The following TOR1AIP2 variants were observed in gnomAD, a reference collection of about 807,000 sequenced individuals.
TOR1AIP2 encodes torsin 1A interacting protein 2.
Under a neutral mutation model 32.6 loss-of-function variants are expected in TOR1AIP2, and 20 were observed. The ratio of observed to expected loss-of-function variants is 0.61; its 90% CI spans 0.43 to 0.89. The LOEUF is 0.89. TOR1AIP2 is among the 40% of genes least tolerant of loss of function. The pLI is 0.00. For missense variants in TOR1AIP2, 456 were observed against 553.8 expected, an observed-to-expected ratio of 0.82 and a Z score of 1.77; for synonymous variants, 214 against 210.8, an observed-to-expected ratio of 1.02 and a Z score of -0.13.
intron 3 of TOR1AIP2, chr1:179,859,428 A>C (rs2148439782): frequency 4.1e-6 from 4 of 985,406 alleles, no homozygotes; most frequent in Non-Finnish European, 4.8e-6. Context: ...TAACCATGAC[A>C]CTTTTAAAAG....
At chr1:179,873,572 A>C (rs1320538113) in intron 2 of TOR1AIP2, 1 of 152,194 alleles carries the variant, frequency 6.6e-6, no homozygotes, top group Admixed American at 6.5e-5. Flanking sequence ...TGTAGTTAAT[A>C]ATTATCCTGG....
intron 3 of TOR1AIP2, chr1:179,865,117 T>C (rs764968363): frequency 1.2e-6 from 2 of 1,613,928 alleles, no homozygotes; most frequent in East Asian, 4.5e-5. Context: ...AGTGGCCTAG[T>C]TCTAAACTAG....
intron 5 of TOR1AIP2, among the ~76,000 whole-genome samples, chr1:179,848,833 A>C (rs1214073462): frequency 4.6e-5 from 7 of 152,232 alleles, no homozygotes; most frequent in Admixed American, 4.6e-4. Flanking sequence ...CCAAGGTCAC[A>C]TAAAGAGATG....
At chr1:179,854,804 G>A (rs1427374696) in intron 3 of TOR1AIP2, among the ~76,000 whole-genome samples, 1 of 152,216 alleles carries the variant, frequency 6.6e-6, no homozygotes, top group Non-Finnish European at 1.5e-5. Flanking sequence ...CCGGGAGGCA[G>A]AGGTTGCAGT....
At chr1:179,859,829 T>TTTTG in intron 3 of TOR1AIP2, 1 of 985,384 alleles carries the variant, frequency 1.0e-6, no homozygotes, top group Non-Finnish European at 1.2e-6. Flanking sequence ...TTAAGAAGTT[T>TTTTG]TTTGTTTTTG....
At chr1:179,873,444 G>A (rs548754033) in intron 2 of TOR1AIP2, among the ~76,000 whole-genome samples, 11 of 152,282 alleles carry the variant, frequency 7.2e-5, no homozygotes, top group African/African-American at 2.2e-4. Flanking sequence ...CAGAAATGCC[G>A]CTGTGTCCTT....
At chr1:179,864,115 A>T in intron 3 of TOR1AIP2, 1 of 985,450 alleles carries the variant, frequency 1.0e-6, no homozygotes, top group Non-Finnish European at 1.2e-6. Flanking sequence ...GACAGGTGGC[A>T]TTTCTGCATG....
At chr1:179,865,293 C>T in intron 3 of TOR1AIP2, 143 bp downstream of exon 3, 2 of 1,330,542 alleles carry the variant, frequency 1.5e-6, no homozygotes, top group Non-Finnish European at 1.0e-6. Flanking sequence ...CTTAGTTCAA[C>T]CAATATTATT....
intron 2 of TOR1AIP2, chr1:179,873,748 C>T (rs1268013680): frequency 6.6e-6 from 1 of 152,140 alleles, no homozygotes; most frequent in Non-Finnish European, 1.5e-5. Context: ...TTCTCCCCTA[C>T]TTATTTATTC....
At position 179,865,866 on chromosome 1, in the gene TOR1AIP2, A is replaced by AAAACT. The variant is rs1696751164; in HGVS notation, c.-565-17_-565-13dup. 6.6e-6 allele frequency: 1 copy of AAAACT among 152,628 alleles called. No individual in the cohort carries two copies. The highest frequency in any genetic ancestry group is 1.5e-5 in the Non-Finnish European group (1 of 68,032). The allele number at this position is 152,628 out of a possible 1,614,324, so 9.5% of individuals were successfully genotyped here. On this transcript the variant is annotated splice_polypyrimidine_tract_variant and intron_variant, in intron 2 of 6. Transcript: ENST00000609928. ...AATGCGTCACATACCTGTAAATGATAAAACTTCAGACGACTCATGGGTTTT... is the reference window on the plus strand; with the variant it reads ...AATGCGTCACATACCTGTAAATGATAAAACTAAACTTCAGACGACTCATGGGTTTT...
rs1174522746 is a variant in TOR1AIP2 at position 179,852,823 on chromosome 1, T to A, written c.-146-12A>T. 1 of 1,390,026 alleles carries A rather than the reference T, an allele frequency of 7.2e-7. No homozygotes were observed. Among genetic ancestry groups the A allele is most frequent in the African/African-American group, 1.5e-5 (1 of 68,934 alleles). The allele number at this position is 1,390,026 out of a possible 1,614,324, so 86.1% of individuals were successfully genotyped here. A position where few individuals can be genotyped will look rare whatever the true frequency, so the allele number is the denominator to read the frequency against. On this transcript the variant is annotated splice_polypyrimidine_tract_variant and intron_variant, in intron 3 of 6. Coordinates refer to ENST00000609928, the MANE Select transcript of TOR1AIP2 (RefSeq NM_001199260.2). ...CATATATACAGTGACTAAAACAAAA[T>A]GAAAAAAAATTAAATGACTTTTTAT... is the stretch of plus-strand genomic sequence containing the variant.
Position 179,840,676 on chromosome 1 carries a change from T to C in TOR1AIP2, c.*5395A>G, listed in dbSNP as rs1023742592. 4 of 142,206 alleles carry C rather than the reference T, an allele frequency of 2.8e-5. No homozygotes were observed. The highest frequency in any genetic ancestry group is 6.0e-5 in the Non-Finnish European group (4 of 67,176). 8.8% of individuals were successfully genotyped at this position (142,206 alleles called of 1,614,324 possible). A position where few individuals can be genotyped will look rare whatever the true frequency, so the allele number is the denominator to read the frequency against. ...ACCAAACATCGCATGTTCTCACTCA[T>C]AGGTGGGAATTGAACAAAGAAAACA... On this transcript the variant is annotated 3_prime_UTR_variant, in exon 7 of 7. Transcript: ENST00000609928.
At chr1:179,866,596 G>A (rs1006586681) in intron 2 of TOR1AIP2, among the ~76,000 whole-genome samples, 3 of 152,104 alleles carry the variant, frequency 2.0e-5, no homozygotes, top group African/African-American at 7.2e-5. Context: ...GTAGAGACGG[G>A]CTTTCTCCAT....
intron 5 of TOR1AIP2, among the ~76,000 whole-genome samples, 171 bp from the exon 6 acceptor site, chr1:179,847,807 GTGGC>G (rs930018737): frequency 1.3e-5 from 2 of 152,168 alleles, no homozygotes; most frequent in Non-Finnish European, 2.9e-5. Flanking sequence ...GCTGAAACAG[GTGGC>G]TCACTTGGGG....
intron 3 of TOR1AIP2, chr1:179,864,470 A>G: frequency 9.3e-7 from 1 of 1,080,410 alleles, no homozygotes; most frequent in South Asian, 3.6e-5. Flanking sequence ...ACTTTGTCAT[A>G]TGACACTCAT....
At chr1:179,859,065 TTTTA>T (rs1696414173) in intron 3 of TOR1AIP2, 1 of 983,594 alleles carries the variant, frequency 1.0e-6, no homozygotes, top group Non-Finnish European at 1.2e-6. Context: ...TTAAACACAA[TTTTA>T]TTTTAGTGAA....
intron 4 of TOR1AIP2, among the ~76,000 whole-genome samples, chr1:179,852,287 G>A (rs1382927308): frequency 6.6e-6 from 1 of 151,038 alleles, no homozygotes; most frequent in Non-Finnish European, 1.5e-5. Context: ...AGGAGAAGAA[G>A]AGGAAGAAGA....
Position 179,850,898 on chromosome 1 carries a change from G to T in TOR1AIP2, c.500C>A (p.Ser167Tyr). Residue 167 changes from serine (S) to tyrosine (Y), a missense_variant, in exon 5 of 7, where the codon TCC (serine) becomes TAC (tyrosine). Coordinates refer to ENST00000609928, the MANE Select transcript of TOR1AIP2 (RefSeq NM_001199260.2). ...ATCCTCACCCTCTTGCCCTGCACTG[G>T]AATGACCAGGACTCTGGGCCTCCTG... is the stretch of plus-strand genomic sequence containing the variant. ...DSQEAQSPGH[S>Y]SAGQEGEDTL... 1 of 1,614,180 alleles carries T rather than the reference G, an allele frequency of 6.2e-7. No individual in the cohort carries two copies. The highest frequency in any genetic ancestry group is 8.5e-7 in the Non-Finnish European group (1 of 1,180,008).
chr1:179,872,837 T>C (rs1697061894), intron 2 of TOR1AIP2, among the ~76,000 whole-genome samples: 2 of 152,244 alleles, frequency 1.3e-5, no homozygotes, highest in Non-Finnish European at 2.9e-5. Context: ...TTAGTTCAAC[T>C]TCCCTAATCA....
Sources: gnomAD v4.1 joint callset for allele counts (sites outside exome capture counted in the v4.1 genomes callset) on GRCh38, gnomAD v4.1.1 for gene constraint, MANE v1.5 for transcripts, NCBI Gene and HGNC (gene_info 2026-07-23, HGNC 2026-07-21) for gene names.